RGS6: variants seen among roughly 807,000 people sequenced by gnomAD.
The protein encoded by RGS6 is regulator of G protein signaling 6, also known as regulator of G-protein signaling 6.
A neutral mutation model predicts 78.5 loss-of-function variants in RGS6; 30 were observed. That is an observed-to-expected ratio of 0.38 (90% CI 0.29 to 0.52). The LOEUF (loss-of-function observed/expected upper bound fraction) is 0.52, where lower values mean the gene tolerates loss of function less well. RGS6 is among the 20% of genes least tolerant of loss of function. The probability of loss-of-function intolerance (pLI) is 0.85; values close to 1 mark genes in which losing one functional copy is unlikely to be tolerated. For synonymous variants in RGS6, 206 were observed against 206.0 expected, an observed-to-expected ratio of 1.00 and a Z score of 0.00; for missense variants, 495 against 609.7, an observed-to-expected ratio of 0.81 and a Z score of 1.98.
chr14:72,357,767 A>G (rs2176841), intron 3 of RGS6, among the ~76,000 whole-genome samples: 5 of 151,844 alleles, frequency 3.3e-5, no homozygotes, highest in Non-Finnish European at 7.4e-5. Context: ...AAAGAAAAAC[A>G]CATTTTCTGG....
At chr14:72,201,415 A>C (rs2041556168) in intron 2 of RGS6, among the ~76,000 whole-genome samples, 1 of 152,114 alleles carries the variant, frequency 6.6e-6, no homozygotes, top group Non-Finnish European at 1.5e-5. Flanking sequence ...GAATAATTGC[A>C]ATCTAGGATG....
At chr14:72,229,634 ATAGT>A (rs781397805) in intron 2 of RGS6, among the ~76,000 whole-genome samples, 1 of 152,182 alleles carries the variant, frequency 6.6e-6, no homozygotes. Context: ...TGTTTCTATA[ATAGT>A]TAGGACTTTG....
intron 2 of RGS6, among the ~76,000 whole-genome samples, chr14:72,020,852 A>G (rs1242809632): frequency 6.6e-6 from 1 of 152,208 alleles, no homozygotes; most frequent in Non-Finnish European, 1.5e-5. Context: ...GTAAACAAAC[A>G]TAGACTTCAG....
intron 3 of RGS6, among the ~76,000 whole-genome samples, chr14:72,387,381 C>T (rs1199592717): frequency 1.3e-5 from 2 of 152,090 alleles, no homozygotes; most frequent in African/African-American, 4.8e-5. Flanking sequence ...AACCCCATCT[C>T]TACTAAAAAT....
At chr14:72,368,132 G>A (rs2082773875) in intron 3 of RGS6, among the ~76,000 whole-genome samples, 6 of 152,190 alleles carry the variant, frequency 3.9e-5, no homozygotes, top group Admixed American at 3.9e-4. Flanking sequence ...GGTCTGGGAA[G>A]TCCAAAAGCA....
chr14:72,629,727 G>T, the RGS6 span: 2 of 1,536,056 alleles, frequency 1.3e-6, no homozygotes, highest in Non-Finnish European at 1.7e-6. Flanking sequence ...CTGCAGGCAG[G>T]TTGGGTGACC....
intron 15 of RGS6, among the ~76,000 whole-genome samples, chr14:72,533,118 G>T (rs916663700): frequency 2.6e-4 from 40 of 152,210 alleles, no homozygotes; most frequent in African/African-American, 9.2e-4. Context: ...TCTCTTGCTA[G>T]GGCTAATGCA....
intron 2 of RGS6, among the ~76,000 whole-genome samples, chr14:72,291,001 A>G (rs1316466515): frequency 6.6e-6 from 1 of 151,920 alleles, no homozygotes; most frequent in Non-Finnish European, 1.5e-5. Context: ...TGCTCCCGCC[A>G]GATGATCACC....
chr14:72,146,283 G>T (rs1177825448), intron 2 of RGS6, among the ~76,000 whole-genome samples: 1 of 152,144 alleles, frequency 6.6e-6, no homozygotes, highest in Admixed American at 6.5e-5. Flanking sequence ...TTGCATTGGG[G>T]GTTAAGTTTC....
At chr14:72,167,166 C>T (rs2096939560) in intron 2 of RGS6, among the ~76,000 whole-genome samples, 1 of 152,158 alleles carries the variant, frequency 6.6e-6, no homozygotes, top group South Asian at 2.1e-4. Context: ...CACATTTGAG[C>T]TTGTTTATGC....
intron 2 of RGS6, among the ~76,000 whole-genome samples, chr14:72,172,816 A>G (rs976491187): frequency 2.6e-5 from 4 of 152,180 alleles, no homozygotes; most frequent in Non-Finnish European, 5.9e-5. Context: ...AGCTAGAGAG[A>G]AAACAAATAT....
At chr14:72,103,159 T>C (rs754910936) in intron 2 of RGS6, among the ~76,000 whole-genome samples, 7 of 152,208 alleles carry the variant, frequency 4.6e-5, no homozygotes, top group Non-Finnish European at 5.9e-5. Context: ...TGGTAATAGC[T>C]GGCCTGTGGA....
intron 2 of RGS6, among the ~76,000 whole-genome samples, chr14:72,194,842 G>T (rs2039643664): frequency 6.6e-6 from 1 of 152,110 alleles, no homozygotes; most frequent in African/African-American, 2.4e-5. Context: ...GTTCTTAAAA[G>T]GTCGCCAGGT....
intron 2 of RGS6, among the ~76,000 whole-genome samples, chr14:72,119,843 A>G (rs981975): frequency 0.44 from 67,322 of 152,114 alleles, 15,621 homozygotes; most frequent in Admixed American, 0.51. Flanking sequence ...CTAGAAGGAT[A>G]GGGATTCCAA....
At chr14:72,479,191 C>G (rs1212554710) in intron 12 of RGS6, among the ~76,000 whole-genome samples, 1 of 152,082 alleles carries the variant, frequency 6.6e-6, no homozygotes, top group African/African-American at 2.4e-5. Context: ...TCTCTGCTGG[C>G]TCCTGGGTTG....
At chr14:71,918,063 C>T in the RGS6 span, among the ~76,000 whole-genome samples, 1 of 151,598 alleles carries the variant, frequency 6.6e-6, no homozygotes, top group Non-Finnish European at 1.5e-5. Flanking sequence ...CGCCTGTAGT[C>T]CCAGCTACTC....
chr14:72,473,300 C>T (rs1434361372), intron 9 of RGS6, among the ~76,000 whole-genome samples: 2 of 152,116 alleles, frequency 1.3e-5, no homozygotes, highest in Non-Finnish European at 1.5e-5. Flanking sequence ...AAAAATTAGC[C>T]GGGCGTGGTG....
At chr14:72,602,797 G>T in the RGS6 span, among the ~76,000 whole-genome samples, 1 of 152,228 alleles carries the variant, frequency 6.6e-6, no homozygotes, top group Non-Finnish European at 1.5e-5. Flanking sequence ...GAAAGCTAAT[G>T]ATTTTATGGC....
chr14:72,272,957 A>C (rs906368369), intron 2 of RGS6, among the ~76,000 whole-genome samples: 2 of 152,186 alleles, frequency 1.3e-5, no homozygotes, highest in African/African-American at 4.8e-5. Flanking sequence ...TCTACTAAAA[A>C]TACAAAAAAT....
Sources: allele counts gnomAD v4.1 joint callset (sites outside exome capture counted in the v4.1 genomes callset), GRCh38; gene constraint gnomAD v4.1.1; transcripts MANE v1.5; gene names NCBI Gene and HGNC (gene_info 2026-07-23, HGNC 2026-07-21).